Variants in VRTN observed in about 807,000 individuals in gnomAD.
VRTN encodes vertebrae development associated.
In VRTN, 5 loss-of-function variants were observed where a neutral mutation model predicts 18.2. That is an observed-to-expected ratio of 0.27 (90% CI 0.14 to 0.58). VRTN has a LOEUF of 0.58. Among genes scored for constraint, VRTN ranks in the 20% least tolerant of loss-of-function variants. VRTN has a pLI of 0.91. For synonymous variants in VRTN, 381 were observed against 393.7 expected (o/e 0.97, Z 0.38); for missense variants, 741 against 939.4 (o/e 0.79, Z 2.76).
intron 2 of VRTN, among the ~76,000 whole-genome samples, chr14:74,342,114 T>A (rs141077253): frequency 6.6e-6 from 1 of 152,210 alleles, no homozygotes; most frequent in Non-Finnish European, 1.5e-5. Flanking sequence ...GGGTATGGTA[T>A]GCTCCTGTTC....
At chr14:74,345,702 TCAC>T (rs1266694081), upstream of VRTN, among the ~76,000 whole-genome samples, 17 of 151,800 alleles carry the variant, frequency 1.1e-4, 1 homozygote, top group South Asian at 1.0e-3. Context: ...AGTGGGTGGA[TCAC>T]CTGTGGTCAG....
In VRTN at chr14:74,358,190, A is replaced by G; in HGVS notation, c.1407A>G (p.Glu469=). ...AGTPQLASVG[E]GAVIPWKSEA... ...CTCCCCAGCTAGCATCTGTTGGGGAAGGGGCTGTAATTCCTTGGAAGAGTG... is the reference window on the plus strand; with the variant it reads ...CTCCCCAGCTAGCATCTGTTGGGGAGGGGGCTGTAATTCCTTGGAAGAGTG... The change falls in exon 2 of 2, where the codon GAA becomes GAG. Residue 469 remains glutamate, a synonymous_variant. Coordinates refer to ENST00000256362, the MANE Select transcript of VRTN (RefSeq NM_018228.3). The surrounding 1 kb of genome is among the most constrained non-coding windows in gnomAD (Gnocchi z 5.4). The G allele has an allele frequency of 6.2e-7, 1 of 1,613,760 alleles. No homozygotes were observed. The highest frequency in any genetic ancestry group is 8.5e-7 in the Non-Finnish European group (1 of 1,179,924).
At chr14:74,323,132 C>CA (rs970195782) in intron 1 of VRTN, among the ~76,000 whole-genome samples, 9 of 149,054 alleles carry the variant, frequency 6.0e-5, no homozygotes, top group Admixed American at 2.7e-4. Context: ...GACTCCATCT[C>CA]AAAAAAAAAG....
chr14:74,310,195 C>T (rs1160648368), intron 1 of VRTN, among the ~76,000 whole-genome samples: 1 of 151,992 alleles, frequency 6.6e-6, no homozygotes, highest in African/African-American at 2.4e-5. Context: ...GTTGGGAGTT[C>T]GAGACCAGCC....
intron 1 of VRTN, among the ~76,000 whole-genome samples, chr14:74,313,680 G>A (rs1477843498): frequency 2.0e-5 from 3 of 152,162 alleles, no homozygotes; most frequent in African/African-American, 7.2e-5. Context: ...CTGCAAGTCT[G>A]TTAAAAAGTT....
chr14:74,339,845 T>A (rs1040179258), intron 2 of VRTN, among the ~76,000 whole-genome samples: 4 of 152,130 alleles, frequency 2.6e-5, no homozygotes, highest in Non-Finnish European at 5.9e-5. Context: ...TAGGAGAACA[T>A]GTCATAAAAG....
At chr14:74,310,798 G>A (rs979906638) in intron 1 of VRTN, among the ~76,000 whole-genome samples, 9 of 151,948 alleles carry the variant, frequency 5.9e-5, no homozygotes, top group Non-Finnish European at 8.8e-5. Context: ...TTGGCCTCCC[G>A]AAGTGGTGGG....
chr14:74,320,249 C>CTTTTTTT (rs71115982), intron 1 of VRTN, among the ~76,000 whole-genome samples: 1 of 72,690 alleles, frequency 1.4e-5, no homozygotes, highest in Non-Finnish European at 2.4e-5. Flanking sequence ...GATCCCATCC[C>CTTTTTTT]TTTTTTTTTT....
At chr14:74,318,500 A>G (rs2085432337) in intron 1 of VRTN, among the ~76,000 whole-genome samples, 1 of 151,570 alleles carries the variant, frequency 6.6e-6, no homozygotes. Flanking sequence ...TGAACTCCCA[A>G]CCTCAGGTGA....
intron 1 of VRTN, among the ~76,000 whole-genome samples, chr14:74,333,152 G>C (rs928629190): frequency 2.6e-5 from 4 of 152,172 alleles, no homozygotes; most frequent in Non-Finnish European, 5.9e-5. Flanking sequence ...GGAGGCCGAG[G>C]CGGGCGGGTC....
chr14:74,340,904 C>T (rs1331006003), intron 2 of VRTN, among the ~76,000 whole-genome samples: 4 of 152,020 alleles, frequency 2.6e-5, no homozygotes, highest in African/African-American at 7.2e-5. Context: ...CAGCCACTCC[C>T]GGCTAATTTT....
chr14:74,345,146 T>C (rs1472543777), upstream of VRTN, among the ~76,000 whole-genome samples: 5 of 151,994 alleles, frequency 3.3e-5, no homozygotes, highest in Non-Finnish European at 5.9e-5. Flanking sequence ...CTCCTGGGCT[T>C]ATTGATCCTC....
At chr14:74,344,750 A>AAAAAAAGT (rs2085632677), upstream of VRTN, among the ~76,000 whole-genome samples, 5 of 128,090 alleles carry the variant, frequency 3.9e-5, no homozygotes, top group Admixed American at 8.0e-5. Flanking sequence ...AAAAAAAATG[A>AAAAAAAGT]AAAAAAGAAA....
intron 1 of VRTN, among the ~76,000 whole-genome samples, chr14:74,330,871 C>A (rs1796031672): frequency 6.6e-6 from 1 of 152,004 alleles, no homozygotes; most frequent in Non-Finnish European, 1.5e-5. Context: ...AGGGCAAGAA[C>A]CACCTCCTCA....
At chr14:74,348,744 G>A (rs2140210304) in intron 1 of VRTN, 92 bp downstream of exon 1, 1 of 152,460 alleles carries the variant, frequency 6.6e-6, no homozygotes, top group South Asian at 2.1e-4. Context: ...ATGATCTCGG[G>A]ACCCTACTGG....
At chr14:74,303,842 G>GCTTT (rs1567031977) in intron 1 of VRTN, among the ~76,000 whole-genome samples, 1 of 120,870 alleles carries the variant, frequency 8.3e-6, no homozygotes, top group African/African-American at 4.0e-5. Flanking sequence ...GACAATTACA[G>GCTTT]ATTTTTTTTT....
chr14:74,339,087 C>T (rs1000145514), intron 2 of VRTN, among the ~76,000 whole-genome samples: 1 of 151,788 alleles, frequency 6.6e-6, no homozygotes, highest in Non-Finnish European at 1.5e-5. Context: ...TGACTTTGAA[C>T]CCCTGGCCTC....
At chr14:74,318,522 C>T (rs375399051) in intron 1 of VRTN, among the ~76,000 whole-genome samples, 4 of 151,924 alleles carry the variant, frequency 2.6e-5, no homozygotes, top group African/African-American at 4.8e-5. Flanking sequence ...CCGCCTGCCT[C>T]GGCCTCCCAA....
At chr14:74,346,336 A>G (rs904290045), upstream of VRTN, among the ~76,000 whole-genome samples, 3 of 152,124 alleles carry the variant, frequency 2.0e-5, no homozygotes, top group Non-Finnish European at 2.9e-5. Context: ...ATGAAAATGC[A>G]CAGCAAAAGG....
Sources: gnomAD v4.1 joint callset for allele counts (sites outside exome capture counted in the v4.1 genomes callset) on GRCh38, gnomAD v4.1.1 for gene constraint, Gnocchi (gnomAD v3.1) non-coding constraint, MANE v1.5 for transcripts, NCBI Gene and HGNC (gene_info 2026-07-23, HGNC 2026-07-21) for gene names.